Variants in LRRC37A3 observed in about 807,000 individuals in gnomAD.
LRRC37A3 encodes the protein leucine rich repeat containing 37 member A3.
A neutral mutation model predicts 106.2 loss-of-function variants in LRRC37A3; 25 were observed. The ratio of observed to expected loss-of-function variants is 0.24; its 90% CI spans 0.17 to 0.33. LRRC37A3 has a LOEUF of 0.33. Ranked by LOEUF, LRRC37A3 falls within the 10% of genes least tolerant of loss-of-function variation. The pLI, the probability that LRRC37A3 is intolerant of heterozygous loss-of-function variation, is 1.00. For missense variants in LRRC37A3, 712 were observed against 1,644.9 expected (o/e 0.43, Z 9.81); for synonymous variants, 305 against 635.8 (o/e 0.48, Z 7.83).
At chr17:64,917,797 T>C (rs912575102) in intron 2 of LRRC37A3, among the ~76,000 whole-genome samples, 1 of 150,688 alleles carries the variant, frequency 6.6e-6, no homozygotes, top group African/African-American at 2.5e-5. Flanking sequence ...TGAAACCCTG[T>C]CTCTACTGAA....
At chr17:64,918,985 T>TC (rs1974766880) in intron 1 of LRRC37A3, 115 bp from the exon 2 acceptor site, 3 of 1,207,828 alleles carry the variant, frequency 2.5e-6, no homozygotes, top group African/African-American at 1.6e-5. Context: ...TGCCCCCGCC[T>TC]CCCCCCGGCC....
At chr17:64,870,639 T>C (rs1423738302) in intron 8 of LRRC37A3, among the ~76,000 whole-genome samples, 1 of 152,174 alleles carries the variant, frequency 6.6e-6, no homozygotes, top group Non-Finnish European at 1.5e-5. Flanking sequence ...CACAGAGAGG[T>C]TATATAACTT....
At chr17:64,875,501 AAC>A (rs1434616284) in intron 8 of LRRC37A3, among the ~76,000 whole-genome samples, 2 of 152,218 alleles carry the variant, frequency 1.3e-5, no homozygotes, top group African/African-American at 4.8e-5. Flanking sequence ...AGAAATAAAA[AAC>A]ACTGGCTGGG....
At chr17:64,916,686 A>G (rs1974709092) in intron 2 of LRRC37A3, among the ~76,000 whole-genome samples, 1 of 150,350 alleles carries the variant, frequency 6.7e-6, no homozygotes, top group African/African-American at 2.5e-5. Context: ...TGGGAGGCCA[A>G]GAGGTGGGAG....
Position 64,860,726 on chromosome 17 carries a change from C to A in LRRC37A3, c.3420G>T (p.Pro1140=). ...VNLDVKSLLL[P]FIKLPTTGNS... is the part of the protein sequence containing the mutation. ...TTCCTGTGGTTGGCAGTTTAATGAACGGTAGTAACAGTGATTTCACATCTA... is the reference window on the plus strand; with the variant it reads ...TTCCTGTGGTTGGCAGTTTAATGAAAGGTAGTAACAGTGATTTCACATCTA... The change falls in exon 12 of 15, where the codon CCG becomes CCT. Residue 1140 remains proline (P), a synonymous_variant. Coordinates refer to ENST00000584306, the MANE Select transcript of LRRC37A3 (RefSeq NM_199340.5). 1 of 1,613,962 alleles carries A rather than the reference C, an allele frequency of 6.2e-7. No homozygotes were observed. The highest frequency in any genetic ancestry group is 1.3e-5 in the African/African-American group (1 of 74,990).
intron 13 of LRRC37A3, among the ~76,000 whole-genome samples, chr17:64,857,257 T>C (rs1972708612): frequency 6.6e-6 from 1 of 152,122 alleles, no homozygotes; most frequent in African/African-American, 2.4e-5. Context: ...AAAGATCCCA[T>C]TTACAATGGC....
intron 11 of LRRC37A3, 137 bp from the exon 12 acceptor site, chr17:64,861,110 C>G: frequency 7.0e-7 from 1 of 1,429,352 alleles, no homozygotes; most frequent in African/African-American, 1.4e-5. Context: ...GAAACACACA[C>G]TCAATCCTAA....
intron 8 of LRRC37A3, among the ~76,000 whole-genome samples, chr17:64,873,695 C>A (rs1488602402): frequency 6.7e-6 from 1 of 150,352 alleles, no homozygotes; most frequent in Non-Finnish European, 1.5e-5. Flanking sequence ...TTACAGCAGG[C>A]TGAAGACAGA....
At chr17:64,862,226 CAGTCACATTTTAGA>C (rs948864645) in intron 11 of LRRC37A3, among the ~76,000 whole-genome samples, 11 of 152,030 alleles carry the variant, frequency 7.2e-5, no homozygotes, top group African/African-American at 2.7e-4. Context: ...GACATGAAAG[CAGTCACATTTTAGA>C]AGTCATGAAG....
At chr17:64,855,626 C>T (rs1291015327) in intron 14 of LRRC37A3, among the ~76,000 whole-genome samples, 1 of 151,368 alleles carries the variant, frequency 6.6e-6, no homozygotes, top group East Asian at 1.9e-4. Context: ...AAGCCCTCCT[C>T]TAATTCTAAA....
intron 10 of LRRC37A3, among the ~76,000 whole-genome samples, chr17:64,864,385 T>G (rs1159180423): frequency 6.6e-6 from 1 of 152,208 alleles, no homozygotes; most frequent in Non-Finnish European, 1.5e-5. Flanking sequence ...TGTTTTAGAT[T>G]AAAGGAAATG....
intron 5 of LRRC37A3, among the ~76,000 whole-genome samples, chr17:64,890,203 G>C (rs373668199): frequency 0.065 from 8,972 of 138,334 alleles, 555 homozygotes; most frequent in Middle Eastern, 0.16. Flanking sequence ...ACTATAATGT[G>C]CATAAAGTGC....
Position 64,866,589 on chromosome 17 carries a change from CATATATATATATATATAT to C in LRRC37A3, c.3053+1855_3053+1872del, listed in dbSNP as rs1212670512. On this transcript the variant is annotated intron_variant, in intron 10 of 14. Transcript: ENST00000584306. ...ATATATATATACATATATACACGTA[CATATATATATATATATAT>C]ATATATATATATATATATATATTTT... Among the ~76,000 whole-genome samples the C allele has an allele frequency of 1.2e-4, 3 of 24,126 alleles. 1 individual carries two copies. The highest frequency in any genetic ancestry group is 2.6e-4 in the African/African-American group (2 of 7,624). The allele number at this position is 24,126 out of a possible 152,430, so 15.8% of individuals were successfully genotyped here.
chr17:64,896,783 T>A lies in LRRC37A3; in HGVS notation c.475A>T (p.Ser159Cys). The A allele has an allele frequency of 6.2e-7, 1 of 1,608,486 alleles. No homozygotes were observed. Among genetic ancestry groups the A allele is most frequent in the Non-Finnish European group, 8.5e-7 (1 of 1,179,950 alleles). The change falls in exon 4 of 15, where the codon AGC (serine) becomes TGC (cysteine). Residue 159 changes from serine (S) to cysteine (C), a missense_variant. By Grantham distance (112) the Ser-to-Cys change is moderately radical. Transcript: ENST00000584306. ...ATAATTCCAATAATCTCAGCAAGGC[T>A]CCAACGCTGAGCTGGATCTTTCTTC... ...KLKKDPAQRW[S>C]LAEIIGIIHQ...
chr17:64,863,501 C>T (rs1361872524), intron 10 of LRRC37A3: 1 of 160,106 alleles, frequency 6.2e-6, no homozygotes, highest in Admixed American at 6.1e-5. Context: ...CAAATCTGGA[C>T]AATTTGAGCA....
At chr17:64,864,877 T>C (rs953075021) in intron 10 of LRRC37A3, among the ~76,000 whole-genome samples, 1 of 152,134 alleles carries the variant, frequency 6.6e-6, no homozygotes, top group African/African-American at 2.4e-5. Context: ...GATGGCTTTA[T>C]TGGGGCCATA....
intron 8 of LRRC37A3, among the ~76,000 whole-genome samples, chr17:64,874,786 A>G (rs1392531824): frequency 1.3e-5 from 2 of 151,790 alleles, no homozygotes; most frequent in African/African-American, 4.9e-5. Context: ...CTGTTGATCT[A>G]TGACCTTACC....
intron 11 of LRRC37A3, 110 bp from the exon 12 acceptor site, chr17:64,861,083 G>A (rs1479766679): frequency 2.1e-5 from 32 of 1,558,934 alleles, no homozygotes; most frequent in Non-Finnish European, 2.7e-5. Flanking sequence ...AAACATTCGA[G>A]TGCCATTCAG....
intron 11 of LRRC37A3, among the ~76,000 whole-genome samples, chr17:64,861,191 CCA>C: frequency 6.6e-6 from 1 of 152,268 alleles, no homozygotes; most frequent in African/African-American, 2.4e-5. Flanking sequence ...TTGGAACATT[CCA>C]TAGTGTGACA....
Sources: allele counts gnomAD v4.1 joint callset (sites outside exome capture counted in the v4.1 genomes callset), GRCh38; gene constraint gnomAD v4.1.1; transcripts MANE v1.5; gene names NCBI Gene and HGNC (gene_info 2026-07-23, HGNC 2026-07-21).